MTMR2: variants seen among roughly 807,000 people sequenced by gnomAD.
MTMR2 encodes the protein myotubularin related protein 2, also known as phosphatidylinositol-3,5-bisphosphate 3-phosphatase MTMR2.
In MTMR2, 55 loss-of-function variants were observed where a neutral mutation model predicts 86.9. The ratio of observed to expected loss-of-function variants is 0.63; its 90% CI spans 0.51 to 0.79. The LOEUF is 0.79. Among genes scored for constraint, MTMR2 ranks in the 30% least tolerant of loss-of-function variants. MTMR2 has a pLI of 0.00. For missense variants in MTMR2, 659 were observed against 772.3 expected, an observed-to-expected ratio of 0.85 and a Z score of 1.74; for synonymous variants, 241 against 266.8, an observed-to-expected ratio of 0.90 and a Z score of 0.94.
intron 1 of MTMR2, among the ~76,000 whole-genome samples, chr11:95,917,732 A>C (rs188395326): frequency 6.6e-6 from 1 of 152,286 alleles, no homozygotes; most frequent in East Asian, 1.9e-4. Flanking sequence ...TTTACTACCC[A>C]TTAAGTGGAA....
In MTMR2 at chr11:95,835,172, A is replaced by C; in HGVS notation, c.*118T>G. 1 of 1,102,976 alleles carries C rather than the reference A, an allele frequency of 9.1e-7. No individual in the cohort carries two copies. Among genetic ancestry groups the C allele is most frequent in the Non-Finnish European group, 1.3e-6 (1 of 742,612 alleles). The allele number at this position is 1,102,976 out of a possible 1,614,324, so 68.3% of individuals were successfully genotyped here. ...ACTCATCCTAGAGAGATTTAAAATAAATAAAGTGACTGAACTTTCTCTCAT... is the reference window on the plus strand; with the variant it reads ...ACTCATCCTAGAGAGATTTAAAATACATAAAGTGACTGAACTTTCTCTCAT... On this transcript the variant is annotated 3_prime_UTR_variant, in exon 15 of 15. Transcript: ENST00000346299.
intron 13 of MTMR2, among the ~76,000 whole-genome samples, chr11:95,837,508 A>G (rs1825992065): frequency 6.6e-6 from 1 of 152,022 alleles, no homozygotes; most frequent in Non-Finnish European, 1.5e-5. Flanking sequence ...AAAGAAGTAA[A>G]ACTTGAAATG....
chr11:95,851,355 T>C lies in MTMR2; in HGVS notation c.655-606A>G, dbSNP rs1330714148. On this transcript the variant is annotated intron_variant, in intron 7 of 14. Transcript: ENST00000346299. ...ACCACACCTGGCCAAATGTTCCTAT[T>C]CTTTATTTATTTATTTATTTTTTTG... 2.7e-5 allele frequency among the ~76,000 whole-genome samples: 4 copies of C among 146,576 alleles called. No individual in the cohort carries two copies. In the East Asian group the frequency reaches 7.8e-4, roughly 29 times the overall value.
At chr11:95,866,653 G>T (rs189314100) in intron 2 of MTMR2, among the ~76,000 whole-genome samples, 1 of 149,030 alleles carries the variant, frequency 6.7e-6, no homozygotes, top group Non-Finnish European at 1.5e-5. Context: ...CTTCAGAAAA[G>T]TCGTCTTTAA....
intron 2 of MTMR2, chr11:95,866,580 T>G (rs532313019): frequency 6.7e-4 from 102 of 151,768 alleles, no homozygotes; most frequent in African/African-American, 2.3e-3. Flanking sequence ...TAAAGTAACT[T>G]TAATGCAATA....
At chr11:95,847,928 CAT>C in intron 9 of MTMR2, 29 bp from the exon 10 acceptor site, 4 of 1,595,320 alleles carry the variant, frequency 2.5e-6, no homozygotes, top group Non-Finnish European at 3.4e-6. Context: ...CATGGAAAAT[CAT>C]AAATGAATGC....
At chr11:95,917,951 A>G (rs1866771725) in intron 1 of MTMR2, among the ~76,000 whole-genome samples, 1 of 152,168 alleles carries the variant, frequency 6.6e-6, no homozygotes, top group Non-Finnish European at 1.5e-5. Flanking sequence ...CTAAGAATCT[A>G]TTTTTAAGAA....
intron 11 of MTMR2, among the ~76,000 whole-genome samples, chr11:95,844,742 G>A (rs930467367): frequency 1.3e-5 from 2 of 152,106 alleles, no homozygotes; most frequent in Non-Finnish European, 2.9e-5. Context: ...TCACAGAAAA[G>A]ACTGGGTCAG....
At chr11:95,915,268 C>A (rs1045037360) in intron 1 of MTMR2, among the ~76,000 whole-genome samples, 5 of 152,142 alleles carry the variant, frequency 3.3e-5, no homozygotes, top group Admixed American at 6.5e-5. Context: ...TTTGCTAATG[C>A]ATAACCTCCA....
intron 10 of MTMR2, among the ~76,000 whole-genome samples, chr11:95,846,058 T>C (rs561084081): frequency 6.6e-5 from 10 of 152,236 alleles, no homozygotes; most frequent in African/African-American, 2.4e-4. Context: ...AAGCATATTC[T>C]GGAAATGGGG....
intron 9 of MTMR2, 30 bp downstream of exon 9, chr11:95,849,643 CA>C: frequency 6.2e-7 from 1 of 1,603,546 alleles, no homozygotes; most frequent in Non-Finnish European, 8.5e-7. Flanking sequence ...TTCATGAAAC[CA>C]TAATTATAAT....
In MTMR2 at chr11:95,845,164, A is replaced by T. The variant is rs761119018; in HGVS notation, c.1180-5T>A. 6.2e-7 allele frequency: 1 copy of T among 1,612,792 alleles called. No homozygotes were observed. The highest frequency in any genetic ancestry group is 2.2e-5 in the East Asian group (1 of 44,858). On this transcript the variant is annotated splice_polypyrimidine_tract_variant and splice_region_variant and intron_variant, in intron 10 of 14. Transcript: ENST00000346299. Reference sequence around the variant, plus strand: ...AAGAGCCCCTGCAAGAATAAGCTGGAAAACAGATTTTTTAATACATTGTTT... The same window carrying T: ...AAGAGCCCCTGCAAGAATAAGCTGGTAAACAGATTTTTTAATACATTGTTT...
intron 2 of MTMR2, among the ~76,000 whole-genome samples, chr11:95,874,492 G>A (rs900387517): frequency 1.3e-5 from 2 of 152,038 alleles, no homozygotes; most frequent in African/African-American, 4.8e-5. Flanking sequence ...GTGTGTCTCT[G>A]CACGTGAGAT....
At chr11:95,909,862 T>C (rs1440190608) in intron 1 of MTMR2, among the ~76,000 whole-genome samples, 1 of 152,036 alleles carries the variant, frequency 6.6e-6, no homozygotes, top group Non-Finnish European at 1.5e-5. Flanking sequence ...AATAGCATTG[T>C]GGAAATACAA....
chr11:95,911,754 G>A (rs1866513181), intron 1 of MTMR2, among the ~76,000 whole-genome samples: 1 of 152,026 alleles, frequency 6.6e-6, no homozygotes, highest in African/African-American at 2.4e-5. Context: ...AAAGTATACA[G>A]GCAAAAACAC....
intron 10 of MTMR2, among the ~76,000 whole-genome samples, chr11:95,846,969 T>C (rs111876562): frequency 0.038 from 5,318 of 140,072 alleles, 143 homozygotes; most frequent in South Asian, 0.09. Context: ...GTATCCTCCT[T>C]CTTAACGTGA....
At chr11:95,909,421 T>A (rs1348947754) in intron 1 of MTMR2, among the ~76,000 whole-genome samples, 1 of 152,184 alleles carries the variant, frequency 6.6e-6, no homozygotes, top group Admixed American at 6.5e-5. Context: ...TGACTCAAAC[T>A]CTGGACTTAT....
chr11:95,872,302 A>G (rs1264236502), intron 2 of MTMR2, among the ~76,000 whole-genome samples: 2 of 152,122 alleles, frequency 1.3e-5, no homozygotes, highest in African/African-American at 4.8e-5. Flanking sequence ...TTCATTGAGC[A>G]GTGGTTTGTA....
At chr11:95,902,715 C>T (rs2135584033) in intron 1 of MTMR2, among the ~76,000 whole-genome samples, 2 of 152,186 alleles carry the variant, frequency 1.3e-5, no homozygotes, top group African/African-American at 4.8e-5. Flanking sequence ...TAGTTTTTAC[C>T]TGAGGACACT....
Sources: allele counts gnomAD v4.1 joint callset (sites outside exome capture counted in the v4.1 genomes callset), GRCh38; gene constraint gnomAD v4.1.1; transcripts MANE v1.5; gene names NCBI Gene and HGNC (gene_info 2026-07-23, HGNC 2026-07-21).